TBC1D14: variants seen among roughly 807,000 people sequenced by gnomAD.
TBC1D14 encodes TBC1 domain family, member 14.
Under a neutral mutation model 79.0 loss-of-function variants are expected in TBC1D14, and 26 were observed. That is an observed-to-expected ratio of 0.33 (90% CI 0.24 to 0.46). TBC1D14 has a LOEUF of 0.46. Among genes scored for constraint, TBC1D14 ranks in the 20% least tolerant of loss-of-function variants. The pLI, the probability that TBC1D14 is intolerant of heterozygous loss-of-function variation, is 1.00. For synonymous variants in TBC1D14, 394 were observed against 349.9 expected, an observed-to-expected ratio of 1.13 and a Z score of -1.40; for missense variants, 769 against 887.6, an observed-to-expected ratio of 0.87 and a Z score of 1.70.
At chr4:6,936,852 A>C (rs1712381238) in intron 2 of TBC1D14, among the ~76,000 whole-genome samples, 1 of 151,000 alleles carries the variant, frequency 6.6e-6, no homozygotes, top group African/African-American at 2.4e-5. Context: ...GTTTTTGGTG[A>C]AGTAGGAAGC....
intron 3 of TBC1D14, chr4:6,987,408 G>C: frequency 1.5e-6 from 2 of 1,346,008 alleles, no homozygotes; most frequent in East Asian, 3.1e-5. Context: ...CGGTCCCGTG[G>C]GCCTGTCCTG....
chr4:7,026,738 A>T (rs1560369846), intron 13 of TBC1D14, among the ~76,000 whole-genome samples: 2 of 152,032 alleles, frequency 1.3e-5, no homozygotes, highest in African/African-American at 2.4e-5. Context: ...CTCTACAAAA[A>T]ATACAAAAAT....
At chr4:6,954,733 TG>T (rs2109013138) in intron 2 of TBC1D14, among the ~76,000 whole-genome samples, 1 of 152,358 alleles carries the variant, frequency 6.6e-6, no homozygotes, top group South Asian at 2.1e-4. Context: ...CCCAAGTAGC[TG>T]GGACTACAAA....
At chr4:6,977,960 C>CCCGGCAA (rs1716933412) in intron 3 of TBC1D14, among the ~76,000 whole-genome samples, 1 of 150,518 alleles carries the variant, frequency 6.6e-6, no homozygotes, top group African/African-American at 2.5e-5. Flanking sequence ...AGACCCTCTG[C>CCCGGCAA]CTGGCAACCG....
intron 1 of TBC1D14, among the ~76,000 whole-genome samples, chr4:6,911,513 C>A (rs956375355): frequency 6.6e-6 from 1 of 152,230 alleles, no homozygotes; most frequent in Non-Finnish European, 1.5e-5. Context: ...ACCGTCTGCC[C>A]CCAGCCTACC....
intron 2 of TBC1D14, among the ~76,000 whole-genome samples, chr4:6,962,673 C>A (rs1715330981): frequency 1.3e-5 from 2 of 152,074 alleles, no homozygotes; most frequent in Admixed American, 1.3e-4. Flanking sequence ...TCTCAGCCTG[C>A]TCCAGGGAGG....
chr4:6,948,253 C>T (rs761593042), intron 2 of TBC1D14, among the ~76,000 whole-genome samples: 3 of 152,226 alleles, frequency 2.0e-5, no homozygotes, highest in Non-Finnish European at 4.4e-5. Flanking sequence ...TGGGTTCCTT[C>T]CCTGTCAGCA....
chr4:7,001,896 A>G (rs1043715642), intron 7 of TBC1D14, among the ~76,000 whole-genome samples: 3 of 152,176 alleles, frequency 2.0e-5, no homozygotes, highest in Non-Finnish European at 2.9e-5. Context: ...ACTGGCAGCC[A>G]TTCTTTTCAC....
At chr4:7,027,417 A>G (rs1156460001) in intron 13 of TBC1D14, among the ~76,000 whole-genome samples, 1 of 112,526 alleles carries the variant, frequency 8.9e-6, no homozygotes, top group Non-Finnish European at 1.8e-5. Flanking sequence ...CCCCCCACAC[A>G]CCTACACATA....
chr4:6,914,156 A>G (rs1198827409), intron 1 of TBC1D14, among the ~76,000 whole-genome samples: 2 of 146,846 alleles, frequency 1.4e-5, no homozygotes, highest in East Asian at 4.1e-4. Flanking sequence ...AAAAAGTTCC[A>G]CCTGTGCCTT....
At chr4:7,000,415 G>A (rs1272790037) in intron 6 of TBC1D14, among the ~76,000 whole-genome samples, 1 of 152,238 alleles carries the variant, frequency 6.6e-6, no homozygotes, top group Non-Finnish European at 1.5e-5. Flanking sequence ...CGAGAGGATG[G>A]TATAGGTTCA....
intron 5 of TBC1D14, chr4:6,997,284 G>A (rs1719156140): frequency 6.6e-6 from 1 of 152,182 alleles, no homozygotes; most frequent in Non-Finnish European, 1.5e-5. Flanking sequence ...CAAGACTCCA[G>A]ACACATCCAA....
At chr4:6,933,567 A>G (rs1712002830) in intron 2 of TBC1D14, among the ~76,000 whole-genome samples, 1 of 151,690 alleles carries the variant, frequency 6.6e-6, no homozygotes, top group South Asian at 2.1e-4. Context: ...TGGCTTCCCC[A>G]AGTGTTGGGA....
intron 13 of TBC1D14, among the ~76,000 whole-genome samples, chr4:7,027,619 TCC>T (rs905926998): frequency 1.1e-5 from 1 of 90,558 alleles, no homozygotes; most frequent in African/African-American, 3.9e-5. Flanking sequence ...CACAGTCACA[TCC>T]ACACACAATC....
rs546344646 is a variant in TBC1D14 at position 6,955,035 on chromosome 4, C to G, written c.723-12269C>G. On this transcript the variant is annotated intron_variant, in intron 2 of 13. Coordinates refer to ENST00000409757, the MANE Select transcript of TBC1D14 (RefSeq NM_020773.3). ...AGGAATTTTGAGCACAGTGATTGAT[C>G]ATGGTAATAGAACCTCACTTTCTTT... Among the ~76,000 whole-genome samples, 55 of 152,364 alleles carry G rather than the reference C, an allele frequency of 3.6e-4. 1 individual carries two copies. The South Asian group carries it at 0.011, about 31-fold the overall frequency.
intron 13 of TBC1D14, among the ~76,000 whole-genome samples, chr4:7,027,378 ACCC>A (rs374620904): frequency 4.3e-4 from 49 of 113,838 alleles, no homozygotes; most frequent in South Asian, 1.0e-3. Flanking sequence ...ACATCCATTC[ACCC>A]CCCATCTCAC....
At chr4:7,014,333 A>G in intron 11 of TBC1D14, 115 bp from the exon 12 acceptor site, 1 of 654,486 alleles carries the variant, frequency 1.5e-6, no homozygotes, top group South Asian at 1.8e-5. Context: ...AAAGTGTATT[A>G]GTAATTACAG....
At chr4:7,009,637 GC>G (rs527710920) in intron 9 of TBC1D14, among the ~76,000 whole-genome samples, 6 of 152,312 alleles carry the variant, frequency 3.9e-5, no homozygotes, top group African/African-American at 1.4e-4. Context: ...TGGTGCTCCT[GC>G]CTGGCCCTCC....
rs770990891 is a variant in TBC1D14, at chr4:6,967,347, A to C, written c.766A>C (p.Asn256His). The part of the protein sequence containing the change: ...RKQSARLDKH[N>H]DLGWKLFGKA... ...ACAAAGTGCAAGGCTTGACAAACACAATGACTTGGGATGGAAGTTATTTGG... is the reference window on the plus strand; with the variant it reads ...ACAAAGTGCAAGGCTTGACAAACACCATGACTTGGGATGGAAGTTATTTGG... Residue 256 changes from asparagine to histidine, a missense_variant, in exon 3 of 14, where the codon AAT (asparagine) becomes CAT (histidine). Physicochemically the swap from Asn to His is moderately conservative, Grantham distance 68. Transcript: ENST00000409757. 1 of 1,614,166 alleles carries C rather than the reference A, an allele frequency of 6.2e-7. No individual in the cohort carries two copies. The highest frequency in any genetic ancestry group is 1.1e-5 in the South Asian group (1 of 91,088).
Sources: gnomAD v4.1 joint callset for allele counts (sites outside exome capture counted in the v4.1 genomes callset) on GRCh38, gnomAD v4.1.1 for gene constraint, MANE v1.5 for transcripts, NCBI Gene and HGNC (gene_info 2026-07-23, HGNC 2026-07-21) for gene names.